ABR: variants seen among roughly 807,000 people sequenced by gnomAD.
The protein encoded by ABR is ABR activator of RhoGEF and GTPase.
ABR carries 35 observed loss-of-function variants against 107.2 expected under a neutral mutation model. The observed-to-expected ratio is 0.33, with a 90% CI of 0.25 to 0.43. The LOEUF is 0.43. ABR is among the 20% of genes least tolerant of loss of function. ABR has a pLI of 1.00. For missense variants in ABR, 815 were observed against 1,115.2 expected (o/e 0.73, Z 3.83); for synonymous variants, 498 against 462.0 (o/e 1.08, Z -1.00).
chr17:1,223,031 G>A (rs374646211), intron 1 of ABR, among the ~76,000 whole-genome samples: 31 of 151,838 alleles, frequency 2.0e-4, no homozygotes, highest in Non-Finnish European at 1.8e-4. Context: ...GCGAAACCCC[G>A]TCTCTACTAA....
chr17:1,145,803 G>A (rs556261418), intron 1 of ABR, among the ~76,000 whole-genome samples: 9 of 152,188 alleles, frequency 5.9e-5, no homozygotes, highest in Non-Finnish European at 1.2e-4. Flanking sequence ...GAGCCACGCA[G>A]CTCCGGGCTC....
At chr17:1,158,319 C>T (rs1334249902) in intron 1 of ABR, among the ~76,000 whole-genome samples, 1 of 151,748 alleles carries the variant, frequency 6.6e-6, no homozygotes, top group Non-Finnish European at 1.5e-5. Context: ...TGGTCTCAAA[C>T]TCCTGGACTC....
intron 1 of ABR, among the ~76,000 whole-genome samples, chr17:1,130,483 G>GC (rs1050376254): frequency 7.2e-5 from 11 of 152,066 alleles, no homozygotes; most frequent in African/African-American, 2.4e-4. Flanking sequence ...TAGGGACACA[G>GC]CCCCGCTCCT....
intron 1 of ABR, among the ~76,000 whole-genome samples, chr17:1,225,128 A>G (rs2043189841): frequency 1.4e-5 from 2 of 147,772 alleles, no homozygotes; most frequent in Middle Eastern, 3.5e-3. Flanking sequence ...CAGCCTGGGC[A>G]ACACCGTGAG....
upstream of ABR, among the ~76,000 whole-genome samples, chr17:1,191,803 G>A (rs1022650603): frequency 1.3e-5 from 2 of 152,138 alleles, no homozygotes; most frequent in African/African-American, 4.8e-5. Flanking sequence ...CTGCCGTCAG[G>A]ACTCTGCATG....
intron 2 of ABR, among the ~76,000 whole-genome samples, chr17:1,103,476 A>C (rs752009355): frequency 2.0e-5 from 3 of 152,170 alleles, no homozygotes; most frequent in Non-Finnish European, 4.4e-5. Flanking sequence ...AGCAAATGCC[A>C]CACCGTGAGC....
rs1040562685 is a variant in ABR at position 1,007,212 on chromosome 17, G to A, written c.2443C>T (p.His815Tyr). 5 of 1,613,972 alleles carry A rather than the reference G, an allele frequency of 3.1e-6. No homozygotes were observed. In the African/African-American group the frequency reaches 6.7e-5, roughly 22 times the overall value. ...CAGATGTCCGCAGCCGAGGTGAGGTGTGCTTTGCTCTCCACTTCTGAGGGT... is the reference window on the plus strand; with the variant it reads ...CAGATGTCCGCAGCCGAGGTGAGGTATGCTTTGCTCTCCACTTCTGAGGGT... ...LRPSEVESKA[H>Y]LTSAADIWSH... The change falls in exon 22 of 23, where the codon CAC becomes TAC. Residue 815 changes from histidine (H) to tyrosine (Y), a missense_variant. By Grantham distance (83) the His-to-Tyr change is moderately conservative. Coordinates refer to ENST00000302538, the MANE Select transcript of ABR (RefSeq NM_021962.5).
At chr17:1,146,629 TGCC>T (rs2040540483) in intron 1 of ABR, among the ~76,000 whole-genome samples, 13 of 32,756 alleles carry the variant, frequency 4.0e-4, no homozygotes, top group African/African-American at 1.7e-3. Flanking sequence ...CTGCCACCAC[TGCC>T]ACATGCCACC....
Position 1,058,034 on chromosome 17 carries a change from G to C in ABR, c.1317C>G (p.Phe439Leu). The C allele has an allele frequency of 6.2e-7, 1 of 1,613,088 alleles. No homozygotes were observed. Among genetic ancestry groups the C allele is most frequent in the Non-Finnish European group, 8.5e-7 (1 of 1,179,400 alleles). The change falls in exon 12 of 23, where the codon TTC becomes TTG. Residue 439 changes from phenylalanine to leucine, a missense_variant. By Grantham distance (22) the Phe-to-Leu change is conservative (BLOSUM62 0). Around this residue, in one of 5 missense-constraint regions of ABR, gnomAD observed 385 missense variants for 596.9 expected, o/e 0.64. Transcript: ENST00000302538. ...IHNRNGKSYLFLLSSDYERSE... is the reference protein window; with the variant it reads ...IHNRNGKSYLLLLSSDYERSE... ...ACCTCTCGTAGTCCGAGGACAGTAG[G>C]AACAGGTAACTCTGAAGAGAGGAGA... is the stretch of plus-strand genomic sequence containing the variant.
At position 1,010,353 on chromosome 17, in the gene ABR, C is replaced by G. The variant is rs2070425017; in HGVS notation, c.2236+376G>C. ...GGTCCCGCTGGAAGGCTCAGCACAA[C>G]CCATCTCGAGTGCCCTATGGCTTAA... On this transcript the variant is annotated intron_variant, in intron 20 of 22. Coordinates refer to ENST00000302538, the MANE Select transcript of ABR (RefSeq NM_021962.5). This position sits in a 1 kb window ranked among gnomAD's most constrained non-coding sequence, Gnocchi z 4.1. 4 of 262,680 alleles carry G rather than the reference C, an allele frequency of 1.5e-5. No individual in the cohort carries two copies. In the South Asian group the frequency reaches 1.6e-4, roughly 11 times the overall value. 16.3% of individuals were successfully genotyped at this position (262,680 alleles called of 1,614,324 possible).
At chr17:1,176,874 A>AAC (rs1200524222) in intron 1 of ABR, among the ~76,000 whole-genome samples, 3 of 150,686 alleles carry the variant, frequency 2.0e-5, no homozygotes, top group Non-Finnish European at 4.4e-5. Flanking sequence ...AAAAACAAAA[A>AAC]AAAAAAAGAA....
chr17:1,223,094 C>T (rs1399646936), intron 1 of ABR, among the ~76,000 whole-genome samples: 4 of 151,870 alleles, frequency 2.6e-5, no homozygotes, highest in Non-Finnish European at 4.4e-5. Flanking sequence ...CCCAGCTACT[C>T]GGGGGGCTGA....
intron 1 of ABR, among the ~76,000 whole-genome samples, chr17:1,216,314 G>C (rs946997035): frequency 2.0e-5 from 3 of 152,210 alleles, no homozygotes; most frequent in African/African-American, 4.8e-5. Context: ...CAGAGGAGGA[G>C]AGCGGGGCCC....
At chr17:1,199,990 T>C (rs937628394) in intron 1 of ABR, among the ~76,000 whole-genome samples, 1 of 151,828 alleles carries the variant, frequency 6.6e-6, no homozygotes, top group African/African-American at 2.4e-5. Flanking sequence ...CTGTTACATA[T>C]GTATACATGT....
At chr17:1,146,747 CCACCACTGCCACATGA>C (rs1255923254) in intron 1 of ABR, among the ~76,000 whole-genome samples, 6 of 140,026 alleles carry the variant, frequency 4.3e-5, no homozygotes, top group South Asian at 2.4e-4. Flanking sequence ...GACACCACTG[CCACCACTGCCACATGA>C]CACCACTGCC....
intron 2 of ABR, among the ~76,000 whole-genome samples, chr17:1,107,195 G>A (rs891721906): frequency 1.3e-5 from 2 of 152,250 alleles, no homozygotes; most frequent in Non-Finnish European, 2.9e-5. Flanking sequence ...CGGGGACCCA[G>A]GAGGAGCAGC....
At chr17:1,153,206 C>A (rs1016399532) in intron 1 of ABR, among the ~76,000 whole-genome samples, 4 of 152,238 alleles carry the variant, frequency 2.6e-5, no homozygotes, top group Admixed American at 1.3e-4. Flanking sequence ...AAATCCCCAC[C>A]ATACCCCTTC....
rs118078931 is a variant in ABR, at chr17:1,131,043, T to G, written c.62-5676A>C. Among the ~76,000 whole-genome samples the G allele has an allele frequency of 2.2e-3, 276 of 123,264 alleles. 6 individuals carry two copies. Among genetic ancestry groups the G allele is most frequent in the Middle Eastern group, 0.011 (2 of 188 alleles). 80.9% of individuals were successfully genotyped at this position (123,264 alleles called of 152,430 possible). ...GCAGCGCCTGACACGCACACAGCTC[T>G]CCCCTTTGCACACCAAATGCAGTGC... On this transcript the variant is annotated intron_variant, in intron 1 of 22. Transcript: ENST00000302538.
intron 12 of ABR, chr17:1,057,731 G>C: frequency 4.0e-6 from 2 of 493,866 alleles, no homozygotes; most frequent in South Asian, 2.1e-5. Flanking sequence ...GAGAGAGAGA[G>C]AAAGCCCAGG....
Sources: allele counts gnomAD v4.1 joint callset (sites outside exome capture counted in the v4.1 genomes callset), GRCh38; gene constraint gnomAD v4.1.1; regional missense constraint gnomAD v4.1.1; non-coding constraint Gnocchi (gnomAD v3.1); transcripts MANE v1.5; gene names NCBI Gene and HGNC (gene_info 2026-07-23, HGNC 2026-07-21).